Variants in PTPRN2 observed in about 807,000 individuals in gnomAD.
The protein encoded by PTPRN2 is protein tyrosine phosphatase receptor type N2, also known as receptor-type tyrosine-protein phosphatase N2.
In PTPRN2, 74 loss-of-function variants were observed where a neutral mutation model predicts 118.8. That is an observed-to-expected ratio of 0.62 (90% confidence interval 0.52 to 0.76). PTPRN2 has a LOEUF of 0.76. PTPRN2 is among the 30% of genes least tolerant of loss of function. PTPRN2 has a pLI of 0.00. For synonymous variants in PTPRN2, 641 were observed against 608.0 expected (o/e 1.05, Z -0.80); for missense variants, 1,481 against 1,394.4 (o/e 1.06, Z -0.99).
At chr7:157,969,292 T>C (rs1802155060) in intron 11 of PTPRN2, among the ~76,000 whole-genome samples, 2 of 152,160 alleles carry the variant, frequency 1.3e-5, no homozygotes, top group Admixed American at 1.3e-4. Context: ...GTATTCTTTG[T>C]AGAGACGGGA....
intron 11 of PTPRN2, among the ~76,000 whole-genome samples, chr7:157,925,311 G>A (rs56282259): frequency 1.5e-3 from 193 of 130,906 alleles, no homozygotes; most frequent in South Asian, 4.7e-3. Flanking sequence ...AGGCACCTGC[G>A]TTTAGCACGT....
At chr7:158,010,912 AG>A (rs2128868560) in intron 11 of PTPRN2, among the ~76,000 whole-genome samples, 1 of 152,338 alleles carries the variant, frequency 6.6e-6, no homozygotes, top group African/African-American at 2.4e-5. Flanking sequence ...AGATGGTCCC[AG>A]GTGGGCAGGG....
intron 13 of PTPRN2, among the ~76,000 whole-genome samples, chr7:157,666,820 G>A (rs1796158342): frequency 6.6e-6 from 1 of 152,210 alleles, no homozygotes; most frequent in Non-Finnish European, 1.5e-5. Context: ...GATCTCAGGT[G>A]GGTGCAACAA....
intron 11 of PTPRN2, among the ~76,000 whole-genome samples, chr7:158,031,911 C>A (rs997433666): frequency 6.6e-6 from 1 of 152,210 alleles, no homozygotes; most frequent in Non-Finnish European, 1.5e-5. Context: ...GCTCTGCAGC[C>A]GGCGCTCCGG....
chr7:158,317,915 G>C (rs993100251), intron 2 of PTPRN2, among the ~76,000 whole-genome samples: 2 of 152,184 alleles, frequency 1.3e-5, no homozygotes, highest in African/African-American at 4.8e-5. Context: ...AAATAACCTC[G>C]AGTATTGCAA....
At chr7:158,182,735 C>T (rs1382798456) in intron 5 of PTPRN2, among the ~76,000 whole-genome samples, 1 of 152,132 alleles carries the variant, frequency 6.6e-6, no homozygotes, top group African/African-American at 2.4e-5. Flanking sequence ...GAGAATGTTC[C>T]ATGTGCTCAT....
intron 21 of PTPRN2, among the ~76,000 whole-genome samples, chr7:157,557,537 C>T (rs1371751730): frequency 1.6e-4 from 17 of 105,730 alleles, no homozygotes; most frequent in Admixed American, 1.6e-3. Context: ...ACACCCACAC[C>T]CATCACACAC....
Position 157,903,190 on chromosome 7 carries a change from C to A in PTPRN2, c.1724-4453G>T, listed in dbSNP as rs1037671521. ...CACTCATCAGAGAACCACATGCGCT[C>A]ACATGGAAGTGGGGACCAGACATCG... On this transcript the variant is annotated intron_variant, in intron 11 of 22. Coordinates refer to ENST00000389418, the MANE Select transcript of PTPRN2 (RefSeq NM_002847.5). The surrounding 1 kb of genome is among the most constrained non-coding windows in gnomAD (Gnocchi z 4.2). Among the ~76,000 whole-genome samples, 2 of 152,082 alleles carry A rather than the reference C, an allele frequency of 1.3e-5. No individual in the cohort carries two copies. The highest frequency in any genetic ancestry group is 2.9e-5 in the Non-Finnish European group (2 of 68,034).
At position 157,547,050 on chromosome 7, in the gene PTPRN2, G is replaced by A. The variant is rs753750613; in HGVS notation, c.2976+1896C>T. Among the ~76,000 whole-genome samples, 91 of 152,206 alleles carry A rather than the reference G, an allele frequency of 6.0e-4. 2 individuals are homozygous for A. The highest frequency in any genetic ancestry group is 9.2e-4 in the Admixed American group (14 of 15,282). On this transcript the variant is annotated intron_variant, in intron 22 of 22. Transcript: ENST00000389418. ...AGGGAAGAGGCTGCCTGACAGGCAG[G>A]TGTTCTGGGTGAACTCACCCGTCTG...
At chr7:158,538,309 G>A (rs570964335) in intron 1 of PTPRN2, among the ~76,000 whole-genome samples, 4 of 152,320 alleles carry the variant, frequency 2.6e-5, no homozygotes, top group African/African-American at 4.8e-5. Flanking sequence ...ACTGGCGCAC[G>A]CTGCGCTCCC....
At chr7:157,651,732 G>T (rs890392355) in intron 14 of PTPRN2, among the ~76,000 whole-genome samples, 8 of 152,194 alleles carry the variant, frequency 5.3e-5, no homozygotes, top group African/African-American at 1.9e-4. Context: ...CCACGTCCCC[G>T]CAGATGATTA....
intron 9 of PTPRN2, among the ~76,000 whole-genome samples, chr7:158,118,296 G>A (rs1816887945): frequency 6.6e-6 from 1 of 152,108 alleles, no homozygotes; most frequent in South Asian, 2.1e-4. Flanking sequence ...CATAATTTTT[G>A]TATGTTATTG....
chr7:157,903,030 G>T lies in PTPRN2; in HGVS notation c.1724-4293C>A, dbSNP rs1797557831. Among the ~76,000 whole-genome samples, 1 of 152,088 alleles carries T rather than the reference G, an allele frequency of 6.6e-6. No homozygotes were observed. Among genetic ancestry groups the T allele is most frequent in the African/African-American group, 2.4e-5 (1 of 41,414 alleles). ...CACGTTGCTGCAAAGGACACAATTT[G>T]GGGCCACCATCCTAAGCAAATTAAC... On this transcript the variant is annotated intron_variant, in intron 11 of 22. Transcript: ENST00000389418. The surrounding 1 kb of genome is among the most constrained non-coding windows in gnomAD (Gnocchi z 4.2).
At chr7:157,941,034 C>T (rs1272136036) in intron 11 of PTPRN2, among the ~76,000 whole-genome samples, 9 of 66,272 alleles carry the variant, frequency 1.4e-4, no homozygotes, top group African/African-American at 1.9e-4. Flanking sequence ...CTCCCCACCA[C>T]GACACTGCAA....
intron 2 of PTPRN2, among the ~76,000 whole-genome samples, chr7:158,329,145 G>A (rs1803912844): frequency 6.6e-6 from 1 of 152,350 alleles, no homozygotes; most frequent in East Asian, 1.9e-4. Context: ...GCCACAGCTT[G>A]AGGGTGTGAG....
intron 1 of PTPRN2, among the ~76,000 whole-genome samples, chr7:158,492,454 G>A (rs147991266): frequency 3.5e-4 from 53 of 152,356 alleles, no homozygotes; most frequent in Non-Finnish European, 6.6e-4. Context: ...CTGACAGTTA[G>A]ATGTGATCTG....
intron 2 of PTPRN2, among the ~76,000 whole-genome samples, chr7:158,424,968 G>C (rs1399991398): frequency 6.6e-6 from 1 of 152,228 alleles, no homozygotes; most frequent in African/African-American, 2.4e-5. Context: ...CCAGGTCTGG[G>C]GCCCGGGTGT....
chr7:157,641,410 T>C (rs1024998057), intron 14 of PTPRN2, among the ~76,000 whole-genome samples: 30 of 152,196 alleles, frequency 2.0e-4, no homozygotes, highest in African/African-American at 7.2e-4. Flanking sequence ...AAGAAAAACT[T>C]ACTTGGCAAC....
intron 2 of PTPRN2, among the ~76,000 whole-genome samples, chr7:158,466,725 C>T (rs1036763390): frequency 6.6e-6 from 1 of 152,152 alleles, no homozygotes; most frequent in Non-Finnish European, 1.5e-5. Context: ...TCTTGAGGAA[C>T]CTACACACTG....
Sources: allele counts gnomAD v4.1 joint callset (sites outside exome capture counted in the v4.1 genomes callset), GRCh38; gene constraint gnomAD v4.1.1; non-coding constraint Gnocchi (gnomAD v3.1); transcripts MANE v1.5; gene names NCBI Gene and HGNC (gene_info 2026-07-23, HGNC 2026-07-21).